Variants in ABCA8 observed in about 807,000 individuals in gnomAD.
ABCA8 encodes the protein ATP binding cassette subfamily A member 8.
In ABCA8, 177 loss-of-function variants were observed where a neutral mutation model predicts 192.3. The ratio of observed to expected loss-of-function variants is 0.92; its 90% CI spans 0.81 to 1.04. The LOEUF (loss-of-function observed/expected upper bound fraction) is 1.04. Among genes scored for constraint, ABCA8 ranks in the 50% least tolerant of loss-of-function variants. The pLI is 0.00. For synonymous variants in ABCA8, 642 were observed against 690.2 expected, an observed-to-expected ratio of 0.93 and a Z score of 1.09; for missense variants, 1,915 against 1,904.8, an observed-to-expected ratio of 1.01 and a Z score of -0.10.
chr17:68,913,187 A>T (rs538409464), intron 17 of ABCA8, among the ~76,000 whole-genome samples: 37 of 152,276 alleles, frequency 2.4e-4, no homozygotes, highest in African/African-American at 6.7e-4. Context: ...AAATTGAAAA[A>T]TTTATTGAAA....
chr17:68,919,641 G>A (rs779783086), intron 13 of ABCA8, 165 bp from the exon 14 acceptor site: 60 of 600,392 alleles, frequency 1.0e-4, no homozygotes, highest in Non-Finnish European at 1.6e-4. Context: ...GTTCTCATCT[G>A]CAGCTTTTCC....
At chr17:68,882,848 C>A in intron 29 of ABCA8, 129 bp from the exon 30 acceptor site, 1 of 773,786 alleles carries the variant, frequency 1.3e-6, no homozygotes, top group South Asian at 2.5e-5. Flanking sequence ...CTTCACAACT[C>A]TCATCCCCTT....
At position 68,902,891 on chromosome 17, in the gene ABCA8, A is replaced by C. The variant is rs1417106755; in HGVS notation, c.2598-12T>G. 2 of 1,601,298 alleles carry C rather than the reference A, an allele frequency of 1.2e-6. No individual in the cohort carries two copies. The highest frequency in any genetic ancestry group is 8.5e-7 in the Non-Finnish European group (1 of 1,173,208). The stretch of plus-strand genomic sequence containing the variant: ...TTAGAATTAATAGCCTACACAAAAG[A>C]AAATTGCCAAAATGAATGCAATGTC... On this transcript the variant is annotated splice_polypyrimidine_tract_variant and intron_variant, in intron 20 of 39. Transcript: ENST00000586539.
intron 4 of ABCA8, among the ~76,000 whole-genome samples, chr17:68,940,111 A>G (rs1167245347): frequency 1.3e-5 from 2 of 152,108 alleles, no homozygotes; most frequent in South Asian, 4.2e-4. Flanking sequence ...TGTTGTAAAA[A>G]TGATTGTTAT....
intron 9 of ABCA8, among the ~76,000 whole-genome samples, chr17:68,928,376 GAC>G (rs1477135625): frequency 2.6e-5 from 4 of 152,208 alleles, no homozygotes; most frequent in African/African-American, 7.2e-5. Flanking sequence ...TACCAAATAG[GAC>G]ACAGTCAAAA....
chr17:68,942,557 A>C (rs2068261992), intron 2 of ABCA8, among the ~76,000 whole-genome samples: 1 of 152,184 alleles, frequency 6.6e-6, no homozygotes, highest in Non-Finnish European at 1.5e-5. Context: ...CTTGGGTAGC[A>C]GTAGTATATC....
Position 68,887,127 on chromosome 17 carries a change from G to A in ABCA8, c.3319C>T (p.Pro1107Ser). ...LLTIIHIIQI[P>S]CAVGYSFSLI... ...GAAAAGGAATAACCAACAGCACATG[G>A]GATCTAAAATCAACAGGAATGTGAA... is the stretch of plus-strand genomic sequence containing the variant. The change falls in exon 26 of 40, where the codon CCA becomes TCA. Residue 1107 changes from proline to serine, a missense_variant. By Grantham distance (74) the Pro-to-Ser change is moderately conservative. Transcript: ENST00000586539. 1 of 1,591,562 alleles carries A rather than the reference G, an allele frequency of 6.3e-7. No individual in the cohort carries two copies. Among genetic ancestry groups the A allele is most frequent in the Non-Finnish European group, 8.6e-7 (1 of 1,167,156 alleles).
chr17:68,953,227 C>T (rs749059698), intron 1 of ABCA8, among the ~76,000 whole-genome samples: 1 of 152,136 alleles, frequency 6.6e-6, no homozygotes, highest in Admixed American at 6.5e-5. Flanking sequence ...AGAATGGGTC[C>T]AGACTTTTGA....
intron 24 of ABCA8, among the ~76,000 whole-genome samples, chr17:68,887,895 T>TATATATATATATATATATATA (rs2066511660): frequency 2.3e-5 from 1 of 43,774 alleles, no homozygotes; most frequent in African/African-American, 1.7e-4. Flanking sequence ...TATATATATA[T>TATATATATATATATATATATA]ATATATATAT....
intron 29 of ABCA8, 85 bp downstream of exon 29, chr17:68,883,706 C>T (rs2066390842): frequency 1.1e-6 from 1 of 872,660 alleles, no homozygotes. Flanking sequence ...ACAACGGCAC[C>T]TCTTTGTTAA....
At chr17:68,868,921 A>T (rs1208046781) in intron 38 of ABCA8, among the ~76,000 whole-genome samples, 1 of 152,126 alleles carries the variant, frequency 6.6e-6, no homozygotes, top group Non-Finnish European at 1.5e-5. Context: ...GCCAACCTGG[A>T]GAGTGCTGTG....
At chr17:68,935,539 CCT>C (rs1491329517) in intron 5 of ABCA8, among the ~76,000 whole-genome samples, 4 of 41,820 alleles carry the variant, frequency 9.6e-5, no homozygotes, top group African/African-American at 4.1e-4. Context: ...GAGTAGTATT[CCT>C]ATATATATAT....
At position 68,877,696 on chromosome 17, in the gene ABCA8, C is replaced by T; in HGVS notation, c.4039-17G>A. The T allele has an allele frequency of 1.2e-6, 2 of 1,602,630 alleles. No homozygotes were observed. Among genetic ancestry groups the T allele is most frequent in the Non-Finnish European group, 1.7e-6 (2 of 1,173,548 alleles). On this transcript the variant is annotated splice_polypyrimidine_tract_variant and intron_variant, in intron 32 of 39. Coordinates refer to ENST00000586539, the MANE Select transcript of ABCA8 (RefSeq NM_001288985.2). ...CAGTAGCACCTGCAGATGAAAGTTC[C>T]CTCTCAGAACCTACCTTCTGCACTG...
rs1416455189 is a variant in ABCA8, at chr17:68,940,787, T to C, written c.272A>G (p.Asn91Ser). The C allele has an allele frequency of 1.2e-6, 2 of 1,613,564 alleles. No homozygotes were observed. Among genetic ancestry groups the C allele is most frequent in the African/African-American group, 1.3e-5 (1 of 75,034 alleles). ...PVTNTTQQIMNKVASTPFLAG... is the reference protein window; with the variant it reads ...PVTNTTQQIMSKVASTPFLAG... ...CAGGAAGGGAGTAGAGGCTACTTTA[T>C]TCATTATCTGTTGGGTCGTGTTGGT... The change falls in exon 4 of 40, where the codon AAT becomes AGT. Residue 91 changes from asparagine to serine, a missense_variant. Transcript: ENST00000586539.
intron 4 of ABCA8, 82 bp downstream of exon 4, chr17:68,940,676 T>C: frequency 7.7e-7 from 1 of 1,295,318 alleles, no homozygotes; most frequent in Non-Finnish European, 1.1e-6. Flanking sequence ...CAAACTGAAA[T>C]ACAAATTAAA....
intron 2 of ABCA8, chr17:68,944,456 G>T (rs2143786687): frequency 1.3e-5 from 2 of 149,578 alleles, no homozygotes; most frequent in East Asian, 3.9e-4. Flanking sequence ...TTTTTCCAAA[G>T]GGCAAATCTA....
chr17:68,884,593 T>C, intron 27 of ABCA8, 197 bp from the exon 28 acceptor site: 1 of 1,275,276 alleles, frequency 7.8e-7, no homozygotes, highest in Non-Finnish European at 9.9e-7. Context: ...AGCAATAGGA[T>C]TTATCAATTA....
chr17:68,942,562 T>C (rs1008855033), intron 2 of ABCA8, among the ~76,000 whole-genome samples: 1 of 152,184 alleles, frequency 6.6e-6, no homozygotes, highest in Non-Finnish European at 1.5e-5. Context: ...GTAGCAGTAG[T>C]ATATCTGGGA....
Position 68,881,860 on chromosome 17 carries a change from A to G in ABCA8, c.3946+3T>C. 1.2e-6 allele frequency: 2 copies of G among 1,612,314 alleles called. No individual in the cohort carries two copies. Among genetic ancestry groups the G allele is most frequent in the Non-Finnish European group, 1.7e-6 (2 of 1,178,404 alleles). Reference sequence around the variant, plus strand: ...CCAGAAGTGGAAGATCCCTATGGCCAACCTTTTCTAACACAGAAGGAGACA... The same window carrying G: ...CCAGAAGTGGAAGATCCCTATGGCCGACCTTTTCTAACACAGAAGGAGACA... On this transcript the variant is annotated splice_donor_region_variant and intron_variant, in intron 31 of 39. Transcript: ENST00000586539.
Sources: allele counts gnomAD v4.1 joint callset (sites outside exome capture counted in the v4.1 genomes callset), GRCh38; gene constraint gnomAD v4.1.1; transcripts MANE v1.5; gene names NCBI Gene and HGNC (gene_info 2026-07-23, HGNC 2026-07-21).